The following SSBP4 variants were observed in gnomAD, a reference collection of about 807,000 sequenced individuals.
SSBP4 encodes single stranded DNA binding protein 4.
Under a neutral mutation model 64.6 loss-of-function variants are expected in SSBP4, and 33 were observed. That is an observed-to-expected ratio of 0.51 (90% CI 0.39 to 0.68). SSBP4 has a LOEUF of 0.68. Among genes scored for constraint, SSBP4 ranks in the 30% least tolerant of loss-of-function variants. The pLI is 0.00. For synonymous variants in SSBP4, 243 were observed against 224.0 expected, an observed-to-expected ratio of 1.08 and a Z score of -0.76; for missense variants, 583 against 566.8, an observed-to-expected ratio of 1.03 and a Z score of -0.29.
chr19:18,409,755 C>T, the SSBP4 span, among the ~76,000 whole-genome samples: 5 of 151,942 alleles, frequency 3.3e-5, no homozygotes, highest in African/African-American at 7.3e-5. Context: ...GCTGGCCTCA[C>T]GTGATCCTCC....
chr19:18,433,334 CG>C (rs1973635802), intron 15 of SSBP4, 121 bp downstream of exon 15: 2 of 1,368,492 alleles, frequency 1.5e-6, no homozygotes, highest in Non-Finnish European at 2.0e-6. Flanking sequence ...CTGAGCCCCC[CG>C]GGGGCCGCTC....
In SSBP4 at chr19:18,432,816, C is replaced by T. The variant is rs753808420; in HGVS notation, c.787-13C>T. The T allele has an allele frequency of 5.0e-6, 8 of 1,613,968 alleles. No individual in the cohort carries two copies. The Admixed American group carries it at 5.0e-5, about 10-fold the overall frequency. The stretch of plus-strand genomic sequence containing the variant: ...AGGGGCCATTTCTCACGGTTCCTGT[C>T]TCTTGTGTGCAGGGACCCCCAGGAG... On this transcript the variant is annotated splice_polypyrimidine_tract_variant and intron_variant, in intron 12 of 17. Coordinates refer to ENST00000270061, the MANE Select transcript of SSBP4 (RefSeq NM_032627.5).
upstream of SSBP4, among the ~76,000 whole-genome samples, chr19:18,415,636 G>C (rs1003294213): frequency 3.3e-5 from 5 of 152,146 alleles, no homozygotes; most frequent in Admixed American, 6.5e-5. Flanking sequence ...TCCTCCCCCA[G>C]GAGGACCAAG....
chr19:18,424,259 G>A (rs1452579729), intron 1 of SSBP4, among the ~76,000 whole-genome samples: 5 of 152,162 alleles, frequency 3.3e-5, no homozygotes, highest in Admixed American at 6.5e-5. Context: ...TAATCCTCCC[G>A]GCATCCCAGG....
chr19:18,431,379 C>G lies in SSBP4; in HGVS notation c.396C>G (p.Pro132=). Residue 132 remains proline, a synonymous_variant, in exon 6 of 18, where the codon CCC becomes CCG. Coordinates refer to ENST00000270061, the MANE Select transcript of SSBP4 (RefSeq NM_032627.5). The part of the protein sequence containing the change: ...FQGPPGSQPS[P]HNPNAPMMGP... ...GCCCCCCCGGCTCCCAGCCGTCCCC[C>G]CACAACCCCAACGCCCCCATGATGG... is the stretch of plus-strand genomic sequence containing the variant. 6.9e-7 allele frequency: 1 copy of G among 1,443,472 alleles called. No individual in the cohort carries two copies. 89.4% of individuals were successfully genotyped at this position (1,443,472 alleles called of 1,614,324 possible). A position where few individuals can be genotyped will look rare whatever the true frequency, so the allele number is the denominator to read the frequency against.
At chr19:18,417,577 C>T (rs1435322779), upstream of SSBP4, among the ~76,000 whole-genome samples, 3 of 152,174 alleles carry the variant, frequency 2.0e-5, no homozygotes, top group Non-Finnish European at 2.9e-5. The surrounding 1 kb of genome is among the most constrained non-coding windows in gnomAD (Gnocchi z 5.4). Context: ...GTGACCTGGA[C>T]GCCGAAGCCC....
Position 18,431,357 on chromosome 19 carries a change from C to T in SSBP4, c.374C>T (p.Pro125Leu), listed in dbSNP as rs1476439522. The change falls in exon 6 of 18, where the codon CCC becomes CTC. Residue 125 changes from proline (P) to leucine (L), a missense_variant. Physicochemically the swap from Pro to Leu is moderately conservative, Grantham distance 98 (BLOSUM62 -3). This residue lies in a region of SSBP4 where 444 missense variants were observed against 386.6 expected (regional missense o/e 1.15). Coordinates refer to ENST00000270061, the MANE Select transcript of SSBP4 (RefSeq NM_032627.5). ...CACCTGGTTCTGTCCTCCTAGGGCC[C>T]CCCCGGCTCCCAGCCGTCCCCCCAC... ...GSMAAGFFQG[P>L]PGSQPSPHNP... The T allele has an allele frequency of 2.8e-5, 26 of 934,482 alleles. 1 individual carries two copies. The highest frequency in any genetic ancestry group is 3.8e-5 in the Non-Finnish European group (23 of 612,996). 57.9% of individuals were successfully genotyped at this position (934,482 alleles called of 1,614,324 possible).
chr19:18,407,828 C>T, the SSBP4 span, among the ~76,000 whole-genome samples: 1 of 152,056 alleles, frequency 6.6e-6, no homozygotes, highest in Non-Finnish European at 1.5e-5. Flanking sequence ...CTGCAACCTG[C>T]ACCTCCTCGG....
At chr19:18,433,351 CAG>C (rs1973638889) in intron 15 of SSBP4, 138 bp downstream of exon 15, 8 of 1,295,102 alleles carry the variant, frequency 6.2e-6, no homozygotes, top group Middle Eastern at 2.3e-4. Flanking sequence ...CGCTCAGTGA[CAG>C]GGGCTGCCCC....
intron 17 of SSBP4, 133 bp from the exon 18 acceptor site, chr19:18,434,084 T>G (rs1973794484): frequency 1.5e-4 from 165 of 1,110,172 alleles, no homozygotes; most frequent in East Asian, 1.0e-3. Context: ...CCCTCCCCCG[T>G]TCCCTCCTGT....
Position 18,419,468 on chromosome 19 carries a change from A to AGCC in SSBP4, c.-175_-173dup, listed in dbSNP as rs1555720260. The stretch of plus-strand genomic sequence containing the variant: ...ACCCTGCGGCCGGGGCCGGAGCTGG[A>AGCC]GCCGCCGCTGCCGCCGCCGCCGCGG... On this transcript the variant is annotated 5_prime_UTR_variant, in exon 1 of 18. Transcript: ENST00000270061. 20 of 1,072,278 alleles carry AGCC rather than the reference A, an allele frequency of 1.9e-5. No individual in the cohort carries two copies. The African/African-American group carries it at 3.2e-4, about 17-fold the overall frequency. The allele number at this position is 1,072,278 out of a possible 1,614,324, so 66.4% of individuals were successfully genotyped here. A position where few individuals can be genotyped will look rare whatever the true frequency, so the allele number is the denominator to read the frequency against.
At chr19:18,420,191 T>G (rs1050520700) in intron 1 of SSBP4, 2 of 151,388 alleles carry the variant, frequency 1.3e-5, no homozygotes, top group Non-Finnish European at 2.9e-5. Context: ...GGGGTAGAGC[T>G]GGAGAGCGGC....
intron 10 of SSBP4, 97 bp downstream of exon 10, chr19:18,432,311 C>T (rs916833074): frequency 6.8e-7 from 1 of 1,476,226 alleles, no homozygotes; most frequent in Admixed American, 2.0e-5. Context: ...CTCAGGACAG[C>T]CTTGGATATT....
chr19:18,415,685 G>C (rs1427764530), upstream of SSBP4, among the ~76,000 whole-genome samples: 1 of 152,190 alleles, frequency 6.6e-6, no homozygotes, highest in Non-Finnish European at 1.5e-5. Flanking sequence ...CAGTAGGCCA[G>C]GCCAGAAGCC....
intron 4 of SSBP4, among the ~76,000 whole-genome samples, chr19:18,429,012 C>G (rs1740430857): frequency 6.6e-6 from 1 of 152,110 alleles, no homozygotes; most frequent in African/African-American, 2.4e-5. Flanking sequence ...GGAGAGTCGG[C>G]GTGAACGCGC....
intron 17 of SSBP4, 102 bp from the exon 18 acceptor site, chr19:18,434,115 G>C: frequency 6.8e-7 from 1 of 1,473,324 alleles, no homozygotes; most frequent in Non-Finnish European, 9.1e-7. Context: ...TGTCTGCCCA[G>C]GACCCAGCCC....
upstream of SSBP4, among the ~76,000 whole-genome samples, chr19:18,417,433 G>A (rs559725173): frequency 6.6e-6 from 1 of 152,212 alleles, no homozygotes; most frequent in Non-Finnish European, 1.5e-5. The surrounding 1 kb of genome is among the most constrained non-coding windows in gnomAD (Gnocchi z 5.4). Flanking sequence ...GTGGCAGGAG[G>A]GGCATCTGCC....
the SSBP4 span, among the ~76,000 whole-genome samples, chr19:18,405,870 A>C: frequency 6.6e-6 from 1 of 152,012 alleles, no homozygotes; most frequent in Non-Finnish European, 1.5e-5. Context: ...GTGCGCCTGT[A>C]GTCCCAGCTA....
At chr19:18,431,311 A>T in intron 5 of SSBP4, 42 bp from the exon 6 acceptor site, 1 of 591,036 alleles carries the variant, frequency 1.7e-6, no homozygotes, top group Non-Finnish European at 3.0e-6. Flanking sequence ...CAAACCCAGT[A>T]GGGCCTCACT....
Sources: allele counts gnomAD v4.1 joint callset (sites outside exome capture counted in the v4.1 genomes callset), GRCh38; gene constraint gnomAD v4.1.1; regional missense constraint gnomAD v4.1.1; non-coding constraint Gnocchi (gnomAD v3.1); transcripts MANE v1.5; gene names NCBI Gene and HGNC (gene_info 2026-07-23, HGNC 2026-07-21).